The following RABGAP1L variants were observed in gnomAD, a reference collection of about 807,000 sequenced individuals.
RABGAP1L encodes the protein rab GTPase-activating protein 1-like.
In RABGAP1L, 63 loss-of-function variants were observed where a neutral mutation model predicts 137.7. The observed-to-expected ratio is 0.46, with a 90% CI of 0.37 to 0.56. The LOEUF is 0.56. RABGAP1L is among the 20% of genes least tolerant of loss of function. RABGAP1L has a pLI of 0.00. For missense variants in RABGAP1L, 1,095 were observed against 1,244.0 expected (o/e 0.88, Z 1.80); for synonymous variants, 431 against 433.7 (o/e 0.99, Z 0.08).
intron 19 of RABGAP1L, among the ~76,000 whole-genome samples, chr1:174,853,547 C>T (rs971243924): frequency 5.3e-5 from 8 of 152,022 alleles, no homozygotes; most frequent in East Asian, 1.9e-4. Flanking sequence ...CTGGCTAACA[C>T]GGTGAAACCC....
intron 11 of RABGAP1L, among the ~76,000 whole-genome samples, chr1:174,370,503 G>A (rs371174495): frequency 9.0e-3 from 157 of 17,368 alleles, no homozygotes; most frequent in East Asian, 0.017. Context: ...TACATCTTAA[G>A]AAACCTAACT....
intron 24 of RABGAP1L, among the ~76,000 whole-genome samples, chr1:174,983,288 A>G (rs1392811560): frequency 6.6e-6 from 1 of 152,180 alleles, no homozygotes; most frequent in East Asian, 1.9e-4. Context: ...TCTCTTTATA[A>G]GTAAACACCA....
At chr1:174,585,778 C>T (rs1470491943) in intron 13 of RABGAP1L, among the ~76,000 whole-genome samples, 1 of 152,188 alleles carries the variant, frequency 6.6e-6, no homozygotes, top group Non-Finnish European at 1.5e-5. Flanking sequence ...GCCTTGGGAG[C>T]TATACTCCTT....
intron 14 of RABGAP1L, among the ~76,000 whole-genome samples, chr1:174,652,439 T>C (rs1675597040): frequency 6.6e-6 from 1 of 152,228 alleles, no homozygotes; most frequent in Non-Finnish European, 1.5e-5. Flanking sequence ...TTCATGGATT[T>C]ATCTATCTGT....
At chr1:174,946,915 A>ATATAT (rs1362850724) in intron 19 of RABGAP1L, among the ~76,000 whole-genome samples, 13 of 53,920 alleles carry the variant, frequency 2.4e-4, no homozygotes, top group South Asian at 6.4e-4. Context: ...AAAAAAAAAA[A>ATATAT]AAATATATAT....
At chr1:174,600,898 G>A (rs577064954) in intron 13 of RABGAP1L, among the ~76,000 whole-genome samples, 1 of 152,286 alleles carries the variant, frequency 6.6e-6, no homozygotes, top group Admixed American at 6.5e-5. Flanking sequence ...TGCCTGTGTT[G>A]GGACTTTGAC....
chr1:174,464,348 A>G (rs1657056041), intron 13 of RABGAP1L, among the ~76,000 whole-genome samples: 1 of 152,088 alleles, frequency 6.6e-6, no homozygotes, highest in African/African-American at 2.4e-5. Flanking sequence ...AAGCCCATCT[A>G]CTCTCAGGAA....
intron 18 of RABGAP1L, among the ~76,000 whole-genome samples, chr1:174,773,052 T>C (rs1331906984): frequency 6.6e-6 from 1 of 152,156 alleles, no homozygotes; most frequent in East Asian, 1.9e-4. Flanking sequence ...CTAAGACTTA[T>C]AAAAAGTTAA....
chr1:174,328,006 TATATATATATATATATATACCCA>T (rs1680687656), intron 11 of RABGAP1L, among the ~76,000 whole-genome samples: 2 of 134,576 alleles, frequency 1.5e-5, no homozygotes, highest in African/African-American at 3.1e-5. Flanking sequence ...TATATATATA[TATATATATATATATATATACCCA>T]ACATCAGAGC....
intron 19 of RABGAP1L, among the ~76,000 whole-genome samples, chr1:174,839,572 G>A (rs1177003836): frequency 6.6e-6 from 1 of 152,214 alleles, no homozygotes. Flanking sequence ...ATGCATTACA[G>A]GGAGGGCTCA....
intron 17 of RABGAP1L, 149 bp from the exon 18 acceptor site, chr1:174,752,164 A>G: frequency 1.6e-6 from 1 of 616,892 alleles, no homozygotes. Context: ...GAAAGAAAAT[A>G]CCTTTAAAAA....
At chr1:174,468,649 T>A (rs1469506306) in intron 13 of RABGAP1L, among the ~76,000 whole-genome samples, 1 of 152,204 alleles carries the variant, frequency 6.6e-6, no homozygotes, top group Non-Finnish European at 1.5e-5. Flanking sequence ...GAGCATTATA[T>A]CCCTAAAGAT....
At chr1:174,770,347 A>G (rs1458659237) in intron 18 of RABGAP1L, among the ~76,000 whole-genome samples, 9 of 152,244 alleles carry the variant, frequency 5.9e-5, no homozygotes, top group Non-Finnish European at 1.3e-4. Flanking sequence ...TTAAAGTTTT[A>G]AAGTTTCAGA....
chr1:174,637,350 C>A, intron 13 of RABGAP1L, 25 bp from the exon 14 acceptor site: 1 of 1,489,828 alleles, frequency 6.7e-7, no homozygotes, highest in Non-Finnish European at 9.3e-7. Context: ...ATTTAATAAC[C>A]AGGTCTATTT....
intron 10 of RABGAP1L, among the ~76,000 whole-genome samples, chr1:174,290,153 G>A (rs141752664): frequency 1.1e-4 from 17 of 152,172 alleles, no homozygotes; most frequent in African/African-American, 4.1e-4. Context: ...GCCAGACTGG[G>A]TGCCAGGATT....
intron 19 of RABGAP1L, chr1:174,877,456 G>A: frequency 6.2e-7 from 1 of 1,612,716 alleles, no homozygotes; most frequent in Non-Finnish European, 8.5e-7. Flanking sequence ...GTCTGGAGCT[G>A]GGACAGCAGC....
At chr1:174,712,737 T>C (rs1349315582) in intron 17 of RABGAP1L, among the ~76,000 whole-genome samples, 1 of 152,166 alleles carries the variant, frequency 6.6e-6, no homozygotes, top group Non-Finnish European at 1.5e-5. Flanking sequence ...TCCTTTTCCT[T>C]TCTCTCTTAG....
intron 13 of RABGAP1L, among the ~76,000 whole-genome samples, chr1:174,440,722 A>T (rs993477030): frequency 6.6e-5 from 10 of 151,864 alleles, no homozygotes; most frequent in African/African-American, 2.2e-4. Flanking sequence ...TGCCTGGCTA[A>T]TTTTTTGTAT....
chr1:174,460,629 A>C (rs1656575812), intron 13 of RABGAP1L, among the ~76,000 whole-genome samples: 1 of 152,184 alleles, frequency 6.6e-6, no homozygotes, highest in Non-Finnish European at 1.5e-5. Context: ...TATATTGCCA[A>C]ATTGGTTTCC....
Sources: gnomAD v4.1 joint callset for allele counts (sites outside exome capture counted in the v4.1 genomes callset) on GRCh38, gnomAD v4.1.1 for gene constraint, MANE v1.5 for transcripts, NCBI Gene and HGNC (gene_info 2026-07-23, HGNC 2026-07-21) for gene names.